Variants in EYS observed in about 807,000 individuals in gnomAD.
EYS encodes EGF-like photoreceptor maintenance factor.
A neutral mutation model predicts 282.1 loss-of-function variants in EYS; 250 were observed. The observed-to-expected ratio is 0.89, with a 90% CI of 0.80 to 0.98. The LOEUF (loss-of-function observed/expected upper bound fraction) is 0.98, where lower values mean the gene tolerates loss of function less well. EYS is among the 50% of genes least tolerant of loss of function. EYS has a pLI of 0.00. For missense variants in EYS, 4,016 were observed against 3,709.0 expected (o/e 1.08, Z -2.15); for synonymous variants, 1,355 against 1,282.9 (o/e 1.06, Z -1.20).
intron 14 of EYS, among the ~76,000 whole-genome samples, chr6:64,954,682 T>G (rs1033505281): frequency 6.6e-6 from 1 of 152,104 alleles, no homozygotes; most frequent in Non-Finnish European, 1.5e-5. Flanking sequence ...TATTATGACC[T>G]CAAAGAAAAT....
intron 24 of EYS, among the ~76,000 whole-genome samples, chr6:64,601,491 T>C (rs1236148958): frequency 6.6e-6 from 1 of 152,024 alleles, no homozygotes; most frequent in Non-Finnish European, 1.5e-5. Context: ...ATCTCACACA[T>C]CTACTCAATA....
intron 37 of EYS, 73 bp downstream of exon 37, chr6:63,806,117 G>T: frequency 7.7e-7 from 1 of 1,297,884 alleles, no homozygotes; most frequent in Non-Finnish European, 1.1e-6. Flanking sequence ...CAGCCAATTA[G>T]AGTGTCCCTG....
At chr6:64,384,830 C>A (rs1023346461) in intron 29 of EYS, among the ~76,000 whole-genome samples, 6 of 152,290 alleles carry the variant, frequency 3.9e-5, no homozygotes, top group Admixed American at 3.9e-4. Flanking sequence ...TCTCTTCTCA[C>A]ATCCTGAGCT....
intron 33 of EYS, among the ~76,000 whole-genome samples, chr6:64,006,724 G>A (rs1359109524): frequency 1.3e-5 from 2 of 152,002 alleles, no homozygotes; most frequent in Admixed American, 6.5e-5. Context: ...GAATTTTATC[G>A]AAAGCCTTTT....
intron 15 of EYS, among the ~76,000 whole-genome samples, chr6:64,944,832 C>A (rs746798808): frequency 6.6e-6 from 1 of 152,100 alleles, no homozygotes; most frequent in Non-Finnish European, 1.5e-5. Flanking sequence ...TGCAGCAATG[C>A]TGCCTTGTTA....
chr6:64,439,205 T>G lies in EYS; in HGVS notation c.5792A>C (p.Asp1931Ala). 1.4e-6 allele frequency: 2 copies of G among 1,475,130 alleles called. No homozygotes were observed. The highest frequency in any genetic ancestry group is 2.9e-5 in the South Asian group (2 of 69,200). 91.4% of individuals were successfully genotyped at this position (1,475,130 alleles called of 1,614,324 possible). A position where few individuals can be genotyped will look rare whatever the true frequency, so the allele number is the denominator to read the frequency against. ...AATAAACAATTGAATAAAAAATCCA[T>G]CTACTAAATTTGAGTCTTGCTTGAC... ...LYVKQDSNLV[D>A]GFFIQLFIEN... Residue 1931 changes from aspartate (D) to alanine (A), a missense_variant, in exon 27 of 43, where the codon GAT (aspartate) becomes GCT (alanine). Transcript: ENST00000503581.
intron 40 of EYS, among the ~76,000 whole-genome samples, chr6:63,770,415 TATAG>T (rs1359219042): frequency 6.6e-6 from 1 of 152,156 alleles, no homozygotes; most frequent in African/African-American, 2.4e-5. Context: ...AAGTTCTGGT[TATAG>T]ATTTGTGGGT....
rs946263394 is a variant in EYS at position 64,591,476 on chromosome 6, C to T, written c.4391G>A (p.Gly1464Glu). Reference protein sequence around the residue: ...SISATPVVSRGAQEDIEEYSA... With the variant: ...SISATPVVSREAQEDIEEYSA... ...ATATTCTTCAATATCCTCTTGAGCC[C>T]CCCTAGAGACAACTGGAGTTGCACT... is the stretch of plus-strand genomic sequence containing the variant. Residue 1464 changes from glycine (G) to glutamate (E), a missense_variant, in exon 26 of 43, where the codon GGG becomes GAG. Coordinates refer to ENST00000503581, the MANE Select transcript of EYS (RefSeq NM_001142800.2). 1 of 1,551,288 alleles carries T rather than the reference C, an allele frequency of 6.4e-7. No homozygotes were observed. Among genetic ancestry groups the T allele is most frequent in the African/African-American group, 1.4e-5 (1 of 73,110 alleles).
rs578039067 is a variant in EYS at position 65,689,238 on chromosome 6, G to A, written c.-448+17897C>T. Among the ~76,000 whole-genome samples, 22 of 150,210 alleles carry A rather than the reference G, an allele frequency of 1.5e-4. 1 individual carries two copies. The South Asian group carries it at 1.9e-3, about 13-fold the overall frequency. ...TGTCCCTTGTAGGGACATGGATGAA[G>A]CTGGAAACCATCATTCTCAGCAAAC... On this transcript the variant is annotated intron_variant, in intron 1 of 42. Transcript: ENST00000503581.
intron 11 of EYS, among the ~76,000 whole-genome samples, chr6:65,317,493 A>C (rs1376410990): frequency 2.0e-5 from 3 of 152,170 alleles, no homozygotes; most frequent in Non-Finnish European, 4.4e-5. Context: ...TTATAAAATG[A>C]ATGTCTTTGA....
intron 28 of EYS, among the ~76,000 whole-genome samples, chr6:64,411,426 T>C (rs1773886569): frequency 6.6e-6 from 1 of 152,146 alleles, no homozygotes; most frequent in African/African-American, 2.4e-5. Context: ...TTGGCAAAGT[T>C]AGATCATACA....
chr6:65,216,356 T>A (rs1175510732), intron 12 of EYS, among the ~76,000 whole-genome samples: 2 of 152,028 alleles, frequency 1.3e-5, no homozygotes, highest in Non-Finnish European at 2.9e-5. Context: ...TATAAGTTAT[T>A]TATAGTGTGA....
chr6:65,270,298 T>C (rs564945833), intron 12 of EYS, among the ~76,000 whole-genome samples: 5 of 152,296 alleles, frequency 3.3e-5, no homozygotes, highest in Admixed American at 1.3e-4. Flanking sequence ...TAATTCTCTT[T>C]GGCTAGATGC....
At chr6:63,723,227 T>G (rs548642044) in intron 42 of EYS, among the ~76,000 whole-genome samples, 121 of 152,258 alleles carry the variant, frequency 7.9e-4, no homozygotes, top group Non-Finnish European at 1.6e-3. Context: ...ATTTGCATAA[T>G]TTCTAACATG....
At chr6:64,696,953 C>G (rs1245290567) in intron 22 of EYS, among the ~76,000 whole-genome samples, 1 of 151,962 alleles carries the variant, frequency 6.6e-6, no homozygotes, top group Non-Finnish European at 1.5e-5. Context: ...TAAATGGCAA[C>G]ATGAGAAAAT....
intron 22 of EYS, among the ~76,000 whole-genome samples, chr6:64,738,040 G>A (rs1341824618): frequency 3.0e-5 from 4 of 134,204 alleles, no homozygotes; most frequent in African/African-American, 1.1e-4. Context: ...GAGGTTGGTA[G>A]CATGTGTACT....
intron 29 of EYS, among the ~76,000 whole-genome samples, chr6:64,324,546 C>T (rs1422981864): frequency 1.3e-5 from 2 of 152,134 alleles, no homozygotes; most frequent in African/African-American, 4.8e-5. Context: ...CAAAAGCTTT[C>T]CCCTTGAGAA....
intron 5 of EYS, among the ~76,000 whole-genome samples, chr6:65,439,080 C>T (rs1768198405): frequency 6.6e-6 from 1 of 152,104 alleles, no homozygotes; most frequent in South Asian, 2.1e-4. Context: ...TATGGCTAGC[C>T]AGTTTTCCCT....
chr6:65,402,932 G>T (rs547421764), intron 6 of EYS, among the ~76,000 whole-genome samples: 3 of 152,186 alleles, frequency 2.0e-5, no homozygotes, highest in African/African-American at 7.2e-5. Context: ...TAGAATGCTT[G>T]CTCTTTGAAC....
Sources: allele counts gnomAD v4.1 joint callset (sites outside exome capture counted in the v4.1 genomes callset), GRCh38; gene constraint gnomAD v4.1.1; transcripts MANE v1.5; gene names NCBI Gene and HGNC (gene_info 2026-07-23, HGNC 2026-07-21).